Variants in ZBED1 observed in about 807,000 individuals in gnomAD.
ZBED1 encodes E3 SUMO-protein ligase ZBED1.
ZBED1 carries 19 observed loss-of-function variants against 49.7 expected under a neutral mutation model. The ratio of observed to expected loss-of-function variants is 0.38; its 90% confidence interval spans 0.27 to 0.56. The LOEUF (loss-of-function observed/expected upper bound fraction) is 0.56. Ranked by LOEUF, ZBED1 falls within the 20% of genes least tolerant of loss-of-function variation. The pLI is 0.70. For missense variants in ZBED1, 806 were observed against 972.6 expected, an observed-to-expected ratio of 0.83 and a Z score of 2.28; for synonymous variants, 439 against 440.3, an observed-to-expected ratio of 1.00 and a Z score of 0.04.
At chrX:2,495,935 C>T (rs2045274049) in intron 1 of ZBED1, among the ~76,000 whole-genome samples, 1 of 152,150 alleles carries the variant, frequency 6.6e-6, no homozygotes, top group South Asian at 2.1e-4. Context: ...GAGGAAGGAG[C>T]CAGCCGCCAT....
Position 2,488,642 on chromosome X carries a change from A to C in ZBED1, c.2078T>G (p.Phe693Cys). Residue 693 changes from phenylalanine to cysteine, a missense_variant, in exon 2 of 2, where the codon TTC (phenylalanine) becomes TGC (cysteine). This residue lies in a region of ZBED1 where 749 missense variants were observed against 861.3 expected (regional missense o/e 0.87). Transcript: ENST00000652001. Reference sequence around the variant, plus strand: ...AGACAACACGCTTCCTCGCTACAGGAAGCTGCTGTCCCTAATGCCAAAGAA... The same window carrying C: ...AGACAACACGCTTCCTCGCTACAGGCAGCTGCTGTCCCTAATGCCAAAGAA... ...GGFFGIRDSSFL is the reference protein window; with the variant it reads ...GGFFGIRDSSCL 1 of 1,600,492 alleles carries C rather than the reference A, an allele frequency of 6.2e-7. No individual in the cohort carries two copies. Among genetic ancestry groups the C allele is most frequent in the Non-Finnish European group, 8.5e-7 (1 of 1,174,076 alleles).
intron 1 of ZBED1, 132 bp from the exon 2 acceptor site, chrX:2,490,904 C>A (rs1603177664): frequency 2.6e-6 from 2 of 756,536 alleles, no homozygotes; most frequent in Admixed American, 2.8e-5. Flanking sequence ...ACGGCTGGAC[C>A]TTCCTTGCGG....
rs1269107006 is a variant in ZBED1, at chrX:2,490,353, G to T, written c.367C>A (p.Gln123Lys). The change falls in exon 2 of 2, where the codon CAG (glutamine) becomes AAG (lysine). Residue 123 changes from glutamine to lysine, a missense_variant. Gln to Lys is a moderately conservative substitution (Grantham distance 53). Coordinates refer to ENST00000652001, the MANE Select transcript of ZBED1 (RefSeq NM_001171136.2). ...AGCACGGCGGCCGTCAGCTCCTGCT[G>T]CTTCTTGCTGTCGTAGCCGTGGCCG... The part of the protein sequence containing the change: ...KAGHGYDSKK[Q>K]QELTAAVLGL... 3 of 1,613,294 alleles carry T rather than the reference G, an allele frequency of 1.9e-6. No homozygotes were observed. The highest frequency in any genetic ancestry group is 2.2e-5 in the South Asian group (2 of 91,032).
At position 2,490,173 on chromosome X, in the gene ZBED1, C is replaced by T; in HGVS notation, c.547G>A (p.Val183Met). The change falls in exon 2 of 2, where the codon GTG becomes ATG. Residue 183 changes from valine to methionine, a missense_variant. Coordinates refer to ENST00000652001, the MANE Select transcript of ZBED1 (RefSeq NM_001171136.2). ...IPEKYGAVREVILKELAEATW... is the reference protein window; with the variant it reads ...IPEKYGAVREMILKELAEATW... ...GCCTCGGCCAGCTCCTTCAGGATCACCTCCCGGACGGCCCCGTACTTCTCA... is the reference window on the plus strand; with the variant it reads ...GCCTCGGCCAGCTCCTTCAGGATCATCTCCCGGACGGCCCCGTACTTCTCA... 1 of 1,613,984 alleles carries T rather than the reference C, an allele frequency of 6.2e-7. No individual in the cohort carries two copies. Among genetic ancestry groups the T allele is most frequent in the Non-Finnish European group, 8.5e-7 (1 of 1,179,872 alleles).
At chrX:2,498,348 G>A (rs901773432) in intron 1 of ZBED1, among the ~76,000 whole-genome samples, 6 of 152,196 alleles carry the variant, frequency 3.9e-5, no homozygotes, top group African/African-American at 1.4e-4. Context: ...CTCACCAACA[G>A]CGAAGGCCTA....
intron 1 of ZBED1, among the ~76,000 whole-genome samples, chrX:2,491,066 GTT>G (rs900738620): frequency 3.6e-5 from 4 of 110,254 alleles, no homozygotes; most frequent in Admixed American, 1.0e-4. Flanking sequence ...AGTGCCTTTA[GTT>G]TTTTTTTTTT....
intron 1 of ZBED1, among the ~76,000 whole-genome samples, chrX:2,496,266 T>C (rs1231453851): frequency 1.3e-5 from 2 of 152,236 alleles, no homozygotes; most frequent in African/African-American, 4.8e-5. Flanking sequence ...TGGCGCAATC[T>C]TGGCTGACTG....
chrX:2,489,250 C>T lies in ZBED1; in HGVS notation c.1470G>A (p.Arg490=). 6.2e-7 allele frequency: 1 copy of T among 1,613,936 alleles called. No individual in the cohort carries two copies. The highest frequency in any genetic ancestry group is 8.5e-7 in the Non-Finnish European group (1 of 1,179,852). Residue 490 remains arginine, a synonymous_variant, in exon 2 of 2, where the codon CGG becomes CGA. Coordinates refer to ENST00000652001, the MANE Select transcript of ZBED1 (RefSeq NM_001171136.2). The part of the protein sequence containing the change: ...KRLPFLSAFE[R]QQVENRVVEE... ...CCACCACGCGATTCTCCACCTGCTG[C>T]CGCTCGAAGGCGGAGAGGAAGGGCA...
intron 1 of ZBED1, 75 bp from the exon 2 acceptor site, chrX:2,490,847 A>T: frequency 1.5e-6 from 2 of 1,356,688 alleles, no homozygotes; most frequent in Non-Finnish European, 2.0e-6. Flanking sequence ...GGAGACAGAC[A>T]GGGTGCCGGG....
chrX:2,498,579 C>T (rs1379176691), intron 1 of ZBED1, among the ~76,000 whole-genome samples: 1 of 150,316 alleles, frequency 6.7e-6, no homozygotes, highest in African/African-American at 2.5e-5. Flanking sequence ...TCACCAGAAG[C>T]TCGTCCTCTT....
chrX:2,489,889 C>G lies in ZBED1; in HGVS notation c.831G>C (p.Lys277Asn). ...ATTNYGKDIV[K>N]ACSLLDVAVH... ...CTGCGACGTCCAGCAGGGAGCACGC[C>G]TTCACGATGTCCTTGCCATAGTTGG... is the stretch of plus-strand genomic sequence containing the variant. The change falls in exon 2 of 2, where the codon AAG becomes AAC. Residue 277 changes from lysine to asparagine, a missense_variant. This residue lies in a region of ZBED1 where 749 missense variants were observed against 861.3 expected (regional missense o/e 0.87). Transcript: ENST00000652001. 1.9e-6 allele frequency: 3 copies of G among 1,613,880 alleles called. No homozygotes were observed. The highest frequency in any genetic ancestry group is 2.5e-6 in the Non-Finnish European group (3 of 1,179,890).
At chrX:2,495,301 A>G (rs1328627709) in intron 1 of ZBED1, among the ~76,000 whole-genome samples, 2 of 151,532 alleles carry the variant, frequency 1.3e-5, no homozygotes, top group Non-Finnish European at 2.9e-5. Flanking sequence ...TATTGTTGTT[A>G]TTATTATTGG....
At chrX:2,492,313 A>G (rs1312893651) in intron 1 of ZBED1, among the ~76,000 whole-genome samples, 1 of 152,206 alleles carries the variant, frequency 6.6e-6, no homozygotes, top group Non-Finnish European at 1.5e-5. Context: ...ACACGGACAC[A>G]CAGGAGAAGA....
At position 2,489,773 on chromosome X, in the gene ZBED1, C is replaced by T. The variant is rs373718839; in HGVS notation, c.947G>A (p.Arg316His). 23 of 1,613,190 alleles carry T rather than the reference C, an allele frequency of 1.4e-5. No homozygotes were observed. Among genetic ancestry groups the T allele is most frequent in the Non-Finnish European group, 1.9e-5 (22 of 1,179,882 alleles). The stretch of plus-strand genomic sequence containing the variant: ...CTGCTGGAAGTACTCCACCAGTTTG[C>T]GGCAGCGCGACAGCAGCGCCCCCAG... ...PKLGALLSRCRKLVEYFQQSA... is the reference protein window; with the variant it reads ...PKLGALLSRCHKLVEYFQQSA... The change falls in exon 2 of 2, where the codon CGC becomes CAC. Residue 316 changes from arginine (R) to histidine (H), a missense_variant. Transcript: ENST00000652001.
At position 2,487,322 on chromosome X, in the gene ZBED1, G is replaced by C. The variant is rs1242288228; in HGVS notation, c.*1313C>G. ...GCCGCACGGGGGAACTGGACTTTTA[G>C]GGCTGAGACACCGAAGACATAACCT... On this transcript the variant is annotated 3_prime_UTR_variant, in exon 2 of 2. Coordinates refer to ENST00000652001, the MANE Select transcript of ZBED1 (RefSeq NM_001171136.2). 1 of 152,196 alleles carries C rather than the reference G, an allele frequency of 6.6e-6. No homozygotes were observed. Among genetic ancestry groups the C allele is most frequent in the Non-Finnish European group, 1.5e-5 (1 of 68,050 alleles). The allele number at this position is 152,196 out of a possible 1,614,324, so 9.4% of individuals were successfully genotyped here.
chrX:2,498,720 C>G (rs762924804), intron 1 of ZBED1, among the ~76,000 whole-genome samples: 1 of 152,202 alleles, frequency 6.6e-6, no homozygotes, highest in South Asian at 2.1e-4. Context: ...TGCAGGAACC[C>G]CGGCCTCTTC....
chrX:2,499,182 AGCGCTTC>A (rs1220773869), intron 1 of ZBED1, among the ~76,000 whole-genome samples: 1 of 152,112 alleles, frequency 6.6e-6, no homozygotes, highest in Non-Finnish European at 1.5e-5. Flanking sequence ...AAGGCACCCA[AGCGCTTC>A]GCCTGGCTGA....
At chrX:2,500,654 G>GCCCCCCCCCCCCCCCCCCCCCCCCCCC (rs546772121) in intron 1 of ZBED1, 163 bp downstream of exon 1, 2 of 126,696 alleles carry the variant, frequency 1.6e-5, no homozygotes, top group Non-Finnish European at 1.7e-5. Context: ...CGCGCACGCC[G>GCCCCCCCCCCCCCCCCCCCCCCCCCCC]CCCCCCCCCC....
At chrX:2,500,767 C>G in intron 1 of ZBED1, 50 bp downstream of exon 1, 1 of 970,046 alleles carries the variant, frequency 1.0e-6, no homozygotes, top group Non-Finnish European at 1.3e-6. Context: ...CGAGCCAGCC[C>G]GCGCCCACCC....
Sources: allele counts gnomAD v4.1 joint callset (sites outside exome capture counted in the v4.1 genomes callset), GRCh38; gene constraint gnomAD v4.1.1; regional missense constraint gnomAD v4.1.1; transcripts MANE v1.5; gene names NCBI Gene and HGNC (gene_info 2026-07-23, HGNC 2026-07-21).